Variants in DMD observed in about 807,000 individuals in gnomAD.
The protein encoded by DMD is dystrophin.
Under a neutral mutation model 330.1 loss-of-function variants are expected in DMD, and 63 were observed. The ratio of observed to expected loss-of-function variants is 0.19; its 90% CI spans 0.16 to 0.24. The LOEUF is 0.24. Ranked by LOEUF, DMD falls within the 10% of genes least tolerant of loss-of-function variation. DMD has a pLI of 1.00. For synonymous variants in DMD, 1,223 were observed against 959.8 expected, an observed-to-expected ratio of 1.27 and a Z score of -5.07; for missense variants, 3,344 against 2,684.1, an observed-to-expected ratio of 1.25 and a Z score of -5.43.
rs191491080 is a variant in DMD at position 32,600,059 on chromosome X, C to T, written c.1483-4183G>A. Among the ~76,000 whole-genome samples the T allele has an allele frequency of 1.3e-4, 15 of 112,066 alleles. No individual in the cohort carries two copies. In the Admixed American group the frequency reaches 1.4e-3, roughly 11 times the overall value. Reference sequence around the variant, plus strand: ...TTAAAGGGCTTAACAAAATTTGTTACTCCCTTAGTACATGTTCCCAATTTT... The same window carrying T: ...TTAAAGGGCTTAACAAAATTTGTTATTCCCTTAGTACATGTTCCCAATTTT... On this transcript the variant is annotated intron_variant, in intron 12 of 78. Transcript: ENST00000357033.
At chrX:31,660,184 C>T (rs2081044732) in intron 53 of DMD, among the ~76,000 whole-genome samples, 2 of 112,322 alleles carry the variant, frequency 1.8e-5, no homozygotes, top group Admixed American at 1.9e-4. Context: ...TGTCTAAAGG[C>T]ACAGAGCATA....
intron 21 of DMD, among the ~76,000 whole-genome samples, chrX:32,483,463 A>G (rs2042119445): frequency 1.8e-5 from 2 of 108,254 alleles, no homozygotes; most frequent in South Asian, 8.0e-4. Context: ...AAACATTGCT[A>G]TTCTGAACAT....
intron 1 of DMD, among the ~76,000 whole-genome samples, chrX:33,260,980 A>G (rs2052945324): frequency 9.0e-6 from 1 of 111,444 alleles, no homozygotes; most frequent in Non-Finnish European, 1.9e-5. Context: ...AGCAGTCCTA[A>G]TTCTCAAGAA....
chrX:31,641,643 A>G (rs2079772595), intron 54 of DMD, among the ~76,000 whole-genome samples: 1 of 111,575 alleles, frequency 9.0e-6, no homozygotes, highest in Admixed American at 9.5e-5. Flanking sequence ...AAACATCCCT[A>G]TTCACCCAAA....
At chrX:32,333,778 C>A (rs1164945854) in intron 41 of DMD, among the ~76,000 whole-genome samples, 1 of 110,187 alleles carries the variant, frequency 9.1e-6, no homozygotes, top group Non-Finnish European at 1.9e-5. Flanking sequence ...TTATTTTCAC[C>A]TCTATATTAT....
chrX:31,177,043 T>A (rs1192453152), intron 71 of DMD, among the ~76,000 whole-genome samples: 1 of 111,630 alleles, frequency 9.0e-6, no homozygotes, highest in African/African-American at 3.2e-5. Flanking sequence ...CCTTTATCCA[T>A]AACAGAGCTG....
intron 44 of DMD, among the ~76,000 whole-genome samples, chrX:32,135,850 G>A (rs758775311): frequency 8.0e-5 from 9 of 111,874 alleles, no homozygotes; most frequent in East Asian, 2.8e-4. Flanking sequence ...TGCAGCTATC[G>A]TTACTATACA....
chrX:32,770,275 A>T (rs982087549), intron 7 of DMD, among the ~76,000 whole-genome samples: 2 of 112,044 alleles, frequency 1.8e-5, no homozygotes, highest in African/African-American at 6.5e-5. Context: ...AGACTGGAAG[A>T]CAAGCTAAGA....
intron 1 of DMD, among the ~76,000 whole-genome samples, chrX:33,048,760 TG>T (rs1349848884): frequency 8.0e-5 from 8 of 100,005 alleles, no homozygotes; most frequent in Admixed American, 7.7e-4. Context: ...GAATGAGAAC[TG>T]GTAAACAACT....
intron 1 of DMD, among the ~76,000 whole-genome samples, chrX:33,070,863 G>C (rs1210923174): frequency 1.9e-5 from 2 of 107,747 alleles, no homozygotes; most frequent in Non-Finnish European, 3.8e-5. Flanking sequence ...AATCTATCTA[G>C]AAAAAAGGGC....
At chrX:31,519,229 G>C (rs1300392265) in intron 55 of DMD, among the ~76,000 whole-genome samples, 1 of 111,940 alleles carries the variant, frequency 8.9e-6, no homozygotes, top group Admixed American at 9.4e-5. Flanking sequence ...ATTACATAGA[G>C]AGTTAAAAGC....
At chrX:32,403,070 T>C (rs2098095785) in intron 30 of DMD, among the ~76,000 whole-genome samples, 1 of 111,364 alleles carries the variant, frequency 9.0e-6, no homozygotes, top group Non-Finnish European at 1.9e-5. Flanking sequence ...TGAACTTTAG[T>C]GGTTAGAGAA....
intron 1 of DMD, among the ~76,000 whole-genome samples, chrX:33,081,986 G>T (rs2094937122): frequency 9.2e-6 from 1 of 108,584 alleles, no homozygotes; most frequent in Admixed American, 9.9e-5. Context: ...CCCTAAAACG[G>T]GTTCTGTGGT....
chrX:32,792,599 T>C lies in DMD; in HGVS notation c.649+16894A>G, dbSNP rs5972672. Among the ~76,000 whole-genome samples the C allele has an allele frequency of 8.1e-3, 904 of 111,731 alleles. 15 individuals carry two copies. The highest frequency in any genetic ancestry group is 0.027 in the African/African-American group (845 of 30,787). ...CTCATTTCACCTGTAAAGACACATATAGATTTGAAGTAAAGGGATGGAAAA... is the reference window on the plus strand; with the variant it reads ...CTCATTTCACCTGTAAAGACACATACAGATTTGAAGTAAAGGGATGGAAAA... On this transcript the variant is annotated intron_variant, in intron 7 of 78. Coordinates refer to ENST00000357033, the MANE Select transcript of DMD (RefSeq NM_004006.3).
intron 55 of DMD, among the ~76,000 whole-genome samples, chrX:31,556,412 C>T (rs1265574599): frequency 9.9e-6 from 1 of 101,154 alleles, no homozygotes; most frequent in African/African-American, 3.6e-5. Context: ...TTAAATTTTT[C>T]AAGGGGGAAA....
intron 11 of DMD, among the ~76,000 whole-genome samples, chrX:32,634,798 C>T (rs2058980999): frequency 9.0e-6 from 1 of 111,705 alleles, no homozygotes; most frequent in South Asian, 3.7e-4. Flanking sequence ...AGCTGTGCTG[C>T]CTGGGGTTGG....
At chrX:31,902,550 G>C (rs2094435700) in intron 47 of DMD, among the ~76,000 whole-genome samples, 1 of 111,584 alleles carries the variant, frequency 9.0e-6, no homozygotes, top group African/African-American at 3.3e-5. Context: ...CCAGTGAGTA[G>C]AGCGTAGGCA....
intron 2 of DMD, among the ~76,000 whole-genome samples, chrX:32,869,919 C>T (rs1452831512): frequency 2.8e-5 from 3 of 108,815 alleles, no homozygotes; most frequent in African/African-American, 1.0e-4. Context: ...CAAGGATGCC[C>T]TCTCTTACCA....
intron 7 of DMD, among the ~76,000 whole-genome samples, chrX:32,772,592 A>C (rs2073728090): frequency 8.9e-6 from 1 of 112,134 alleles, no homozygotes; most frequent in Non-Finnish European, 1.9e-5. Flanking sequence ...AAGACAGTGC[A>C]GCTCAAGAGC....
Sources: allele counts gnomAD v4.1 joint callset (sites outside exome capture counted in the v4.1 genomes callset), GRCh38; gene constraint gnomAD v4.1.1; transcripts MANE v1.5; gene names NCBI Gene and HGNC (gene_info 2026-07-23, HGNC 2026-07-21).